DAB1: variants seen among roughly 807,000 people sequenced by gnomAD.
DAB1 encodes the protein DAB adaptor protein 1, also known as disabled homolog 1.
DAB1 carries 15 observed loss-of-function variants against 64.6 expected under a neutral mutation model. The ratio of observed to expected loss-of-function variants is 0.23; its 90% CI spans 0.16 to 0.36. The LOEUF (loss-of-function observed/expected upper bound fraction) is 0.36. Ranked by LOEUF, DAB1 falls within the 10% of genes least tolerant of loss-of-function variation. The pLI is 1.00. For synonymous variants in DAB1, 235 were observed against 251.9 expected (o/e 0.93, Z 0.64); for missense variants, 596 against 706.7 (o/e 0.84, Z 1.78).
chr1:58,061,332 G>A (rs1047023053), intron 5 of DAB1, among the ~76,000 whole-genome samples: 3 of 152,194 alleles, frequency 2.0e-5, no homozygotes, highest in African/African-American at 7.2e-5. Flanking sequence ...TCACAGTTGA[G>A]GAGCTAGAAG....
At chr1:58,332,281 C>T (rs1349658414) in intron 4 of DAB1, among the ~76,000 whole-genome samples, 1 of 152,104 alleles carries the variant, frequency 6.6e-6, no homozygotes, top group Non-Finnish European at 1.5e-5. Flanking sequence ...TTCCTTGTTC[C>T]CATCTTGCTT....
intron 4 of DAB1, among the ~76,000 whole-genome samples, chr1:58,298,567 T>C (rs1362614502): frequency 1.3e-5 from 2 of 152,200 alleles, no homozygotes; most frequent in African/African-American, 4.8e-5. Flanking sequence ...CTGTCATCAC[T>C]CCCAGACTGG....
intron 7 of DAB1, among the ~76,000 whole-genome samples, chr1:57,522,363 A>C (rs1042746449): frequency 4.6e-5 from 7 of 152,218 alleles, no homozygotes; most frequent in African/African-American, 1.7e-4. Flanking sequence ...CACAAGGCAC[A>C]GTGAAGAGCA....
intron 3 of DAB1, among the ~76,000 whole-genome samples, chr1:58,417,187 T>C (rs558616611): frequency 2.8e-4 from 43 of 152,088 alleles, no homozygotes; most frequent in Middle Eastern, 3.4e-3. Context: ...GTTGGGAGAG[T>C]GGACCACTTA....
chr1:57,538,344 C>G (rs1268164824), intron 7 of DAB1, among the ~76,000 whole-genome samples: 1 of 152,186 alleles, frequency 6.6e-6, no homozygotes, highest in Non-Finnish European at 1.5e-5. Context: ...CTACTGGACA[C>G]AGTTGAGGAG....
intron 1 of DAB1, among the ~76,000 whole-genome samples, chr1:57,840,368 T>C (rs1652994765): frequency 6.6e-6 from 1 of 152,172 alleles, no homozygotes; most frequent in African/African-American, 2.4e-5. Flanking sequence ...CAGAGTGTAT[T>C]CCAGACTGTG....
intron 3 of DAB1, among the ~76,000 whole-genome samples, chr1:58,495,666 T>C (rs1481615463): frequency 6.6e-6 from 1 of 152,070 alleles, no homozygotes; most frequent in East Asian, 1.9e-4. Flanking sequence ...TGACATATTG[T>C]CCTATGTGTT....
At chr1:58,202,818 C>A (rs1226011432) in intron 4 of DAB1, among the ~76,000 whole-genome samples, 4 of 152,274 alleles carry the variant, frequency 2.6e-5, no homozygotes, top group Non-Finnish European at 4.4e-5. Context: ...AGCACCCACA[C>A]CTCCAAATCA....
chr1:57,729,263 AG>A (rs567400685), intron 6 of DAB1, among the ~76,000 whole-genome samples: 4 of 152,234 alleles, frequency 2.6e-5, no homozygotes, highest in Non-Finnish European at 5.9e-5. Context: ...GGCATCCAGA[AG>A]CAATGGCTGT....
chr1:57,681,355 A>G (rs1646634372), intron 6 of DAB1, among the ~76,000 whole-genome samples: 1 of 152,174 alleles, frequency 6.6e-6, no homozygotes, highest in Admixed American at 6.5e-5. Context: ...TTAATTAACT[A>G]CATCTGCAAA....
chr1:57,908,439 G>A (rs1312226369), intron 5 of DAB1, among the ~76,000 whole-genome samples: 1 of 152,136 alleles, frequency 6.6e-6, no homozygotes. Flanking sequence ...GCCAGGGAGG[G>A]AGGAAATGAG....
At chr1:58,218,174 G>C (rs542026115) in intron 4 of DAB1, among the ~76,000 whole-genome samples, 1 of 152,140 alleles carries the variant, frequency 6.6e-6, no homozygotes, top group East Asian at 1.9e-4. Context: ...GCTGACGTAA[G>C]AAAGAAACAG....
chr1:57,214,633 G>A (rs1050012190), intron 2 of DAB1, among the ~76,000 whole-genome samples: 4 of 152,074 alleles, frequency 2.6e-5, no homozygotes, highest in South Asian at 2.1e-4. Context: ...AAAACAAGCC[G>A]GGCGCAGTGG....
intron 1 of DAB1, among the ~76,000 whole-genome samples, chr1:57,857,377 T>C (rs189611093): frequency 6.6e-6 from 1 of 152,276 alleles, no homozygotes; most frequent in Non-Finnish European, 1.5e-5. Context: ...GAAAACAATA[T>C]ACATGTATGA....
At chr1:57,256,498 G>A (rs901354056) in intron 2 of DAB1, among the ~76,000 whole-genome samples, 29 of 152,038 alleles carry the variant, frequency 1.9e-4, no homozygotes, top group Non-Finnish European at 1.5e-5. Flanking sequence ...TTACCCATCG[G>A]AGGCTTCCCT....
intron 5 of DAB1, among the ~76,000 whole-genome samples, chr1:58,050,623 G>A (rs1441977613): frequency 3.9e-5 from 6 of 152,084 alleles, no homozygotes; most frequent in Admixed American, 3.9e-4. Flanking sequence ...TCCACCTCCT[G>A]GGTTCACGCC....
At chr1:58,405,237 G>A (rs1374920533) in intron 3 of DAB1, among the ~76,000 whole-genome samples, 2 of 152,072 alleles carry the variant, frequency 1.3e-5, no homozygotes, top group Admixed American at 6.5e-5. Flanking sequence ...TCATCATGGG[G>A]GCTCCTTCAG....
intron 7 of DAB1, among the ~76,000 whole-genome samples, chr1:57,605,501 G>T (rs764980220): frequency 3.9e-5 from 6 of 152,084 alleles, no homozygotes; most frequent in Middle Eastern, 3.2e-3. Flanking sequence ...GTGTTTCAAG[G>T]GTTGGCACCA....
At chr1:57,113,804 T>C (rs1655872705) in intron 4 of DAB1, among the ~76,000 whole-genome samples, 1 of 152,190 alleles carries the variant, frequency 6.6e-6, no homozygotes, top group Non-Finnish European at 1.5e-5. Flanking sequence ...GACTACTCTT[T>C]TAACTACTAG....
Sources: gnomAD v4.1 joint callset for allele counts (sites outside exome capture counted in the v4.1 genomes callset) on GRCh38, gnomAD v4.1.1 for gene constraint, MANE v1.5 for transcripts, NCBI Gene and HGNC (gene_info 2026-07-23, HGNC 2026-07-21) for gene names.